The following CHD9 variants were observed in gnomAD, a reference collection of about 807,000 sequenced individuals.
The protein encoded by CHD9 is chromodomain helicase DNA binding protein 9.
CHD9 carries 77 observed loss-of-function variants against 316.1 expected under a neutral mutation model. That is an observed-to-expected ratio of 0.24 (90% confidence interval 0.20 to 0.29). The LOEUF (loss-of-function observed/expected upper bound fraction) is 0.29, where lower values mean the gene tolerates loss of function less well. Among genes scored for constraint, CHD9 ranks in the 10% least tolerant of loss-of-function variants. The probability of loss-of-function intolerance (pLI) is 1.00; values close to 1 mark genes in which losing one functional copy is unlikely to be tolerated. For missense variants in CHD9, 2,763 were observed against 3,438.1 expected (o/e 0.80, Z 4.91); for synonymous variants, 1,129 against 1,158.3 (o/e 0.97, Z 0.51).
intron 1 of CHD9, among the ~76,000 whole-genome samples, chr16:53,114,753 A>C (rs2038158400): frequency 6.6e-6 from 1 of 151,262 alleles, no homozygotes; most frequent in Non-Finnish European, 1.5e-5. Flanking sequence ...ACGTCTGGCT[A>C]ATTTTTTGTA....
intron 34 of CHD9, among the ~76,000 whole-genome samples, chr16:53,312,473 A>C (rs1307958780): frequency 6.6e-6 from 1 of 152,224 alleles, no homozygotes; most frequent in Non-Finnish European, 1.5e-5. Context: ...TAGGGTTGTC[A>C]GAAGGGGTAA....
chr16:53,260,010 A>G lies in CHD9; in HGVS notation c.4210-2977A>G, dbSNP rs150255706. Among the ~76,000 whole-genome samples the G allele has an allele frequency of 1.9e-3, 288 of 152,360 alleles. 1 individual carries two copies. Among genetic ancestry groups the G allele is most frequent in the Middle Eastern group, 6.8e-3 (2 of 294 alleles). Reference sequence around the variant, plus strand: ...AGATATTAAAGTATCATATATCCTCAGTTGTGAAAAATTTGTTCTGAAATA... The same window carrying G: ...AGATATTAAAGTATCATATATCCTCGGTTGTGAAAAATTTGTTCTGAAATA... On this transcript the variant is annotated intron_variant, in intron 19 of 38. Transcript: ENST00000447540.
At position 53,318,137 on chromosome 16, in the gene CHD9, C is replaced by T. The variant is rs966030077; in HGVS notation, c.7585-75C>T. On this transcript the variant is annotated intron_variant, in intron 36 of 38. Transcript: ENST00000447540. ...GTAAATGCTATTAAATTACTTGGAT[C>T]AGCTCATTTTAATATTTTGAATTGT... is the stretch of plus-strand genomic sequence containing the variant. 106 of 1,177,110 alleles carry T rather than the reference C, an allele frequency of 9.0e-5. No homozygotes were observed. In the African/African-American group the frequency reaches 1.5e-3, roughly 17 times the overall value. The allele number at this position is 1,177,110 out of a possible 1,614,324, so 72.9% of individuals were successfully genotyped here. A position where few individuals can be genotyped will look rare whatever the true frequency, so the allele number is the denominator to read the frequency against.
rs369431664 is a variant in CHD9, at chr16:53,268,106, G to C, written c.4697G>C (p.Arg1566Pro). 1.2e-6 allele frequency: 2 copies of C among 1,608,552 alleles called. No homozygotes were observed. The highest frequency in any genetic ancestry group is 8.5e-7 in the Non-Finnish European group (1 of 1,176,902). ...ACTCCAACTGAAGATGGACAGACACGAGAGCTACAGAATCATCTAGGTAAG... is the reference window on the plus strand; with the variant it reads ...ACTCCAACTGAAGATGGACAGACACCAGAGCTACAGAATCATCTAGGTAAG... ...LITPTEDGQT[R>P]ELQNHLGLSA... Residue 1566 changes from arginine to proline, a missense_variant, in exon 22 of 39, where the codon CGA becomes CCA. Arg to Pro is a moderately radical substitution (Grantham distance 103). This residue lies in a region of CHD9 where 99 missense variants were observed against 131.6 expected (regional missense o/e 0.75). Coordinates refer to ENST00000447540, the MANE Select transcript of CHD9 (RefSeq NM_001308319.2).
At chr16:53,216,851 C>T (rs1327869702) in intron 3 of CHD9, among the ~76,000 whole-genome samples, 1 of 145,422 alleles carries the variant, frequency 6.9e-6, no homozygotes, top group African/African-American at 2.5e-5. Flanking sequence ...ACCCACAAAA[C>T]TGGATGGGTT....
chr16:53,286,372 C>T (rs2053875113), intron 26 of CHD9, 29 bp downstream of exon 26: 1 of 1,140,370 alleles, frequency 8.8e-7, no homozygotes, highest in East Asian at 2.4e-5. Flanking sequence ...CATGAATTTT[C>T]TATATATCTC....
At chr16:53,075,555 C>T (rs766577044) in intron 1 of CHD9, among the ~76,000 whole-genome samples, 1 of 152,076 alleles carries the variant, frequency 6.6e-6, no homozygotes, top group South Asian at 2.1e-4. Context: ...GGCGGTTTCC[C>T]CCATACTGTT....
At chr16:53,187,687 C>T (rs1291084284) in intron 2 of CHD9, among the ~76,000 whole-genome samples, 1 of 151,938 alleles carries the variant, frequency 6.6e-6, no homozygotes, top group Non-Finnish European at 1.5e-5. Flanking sequence ...TGATGAGCAA[C>T]AGTGTCAAAA....
At position 53,247,296 on chromosome 16, in the gene CHD9, C is replaced by G. The variant is rs2049720587; in HGVS notation, c.3458C>G (p.Ala1153Gly). The G allele has an allele frequency of 1.3e-6, 2 of 1,590,014 alleles. No homozygotes were observed. Residue 1153 changes from alanine (A) to glycine (G), a missense_variant, in exon 16 of 39, where the codon GCT (alanine) becomes GGT (glycine). This residue lies in a region of CHD9 where 155 missense variants were observed against 291.8 expected (regional missense o/e 0.53). Coordinates refer to ENST00000447540, the MANE Select transcript of CHD9 (RefSeq NM_001308319.2). ...CCNHPYLIKGAEEKILGEFRD... is the reference protein window; with the variant it reads ...CCNHPYLIKGGEEKILGEFRD... ...TCTTCTCCTATTTCTTTGACAGGTG[C>G]TGAGGAGAAAATACTTGGAGAATTT...
chr16:53,081,268 T>C (rs1390521582), intron 1 of CHD9, among the ~76,000 whole-genome samples: 1 of 152,178 alleles, frequency 6.6e-6, no homozygotes, highest in Non-Finnish European at 1.5e-5. Context: ...AGTTTCTAGA[T>C]GGGAGGGACT....
intron 1 of CHD9, among the ~76,000 whole-genome samples, chr16:53,149,640 C>T (rs1176077321): frequency 4.0e-5 from 6 of 150,934 alleles, no homozygotes; most frequent in African/African-American, 7.3e-5. Context: ...CCTCCAACTC[C>T]TGGGCTCAGG....
chr16:53,177,758 T>G (rs1156256689), intron 2 of CHD9, among the ~76,000 whole-genome samples: 1 of 152,236 alleles, frequency 6.6e-6, no homozygotes, highest in Non-Finnish European at 1.5e-5. Flanking sequence ...ATCAAGCCAG[T>G]AAACTATGTT....
intron 29 of CHD9, among the ~76,000 whole-genome samples, chr16:53,295,288 C>G (rs1031070504): frequency 2.6e-5 from 4 of 151,962 alleles, no homozygotes; most frequent in Non-Finnish European, 5.9e-5. Flanking sequence ...CACCATGCCT[C>G]GCTAATTTTT....
chr16:53,261,359 CTTTTTTTTTTTTTT>C (rs1195811638), intron 19 of CHD9, among the ~76,000 whole-genome samples: 5 of 61,880 alleles, frequency 8.1e-5, no homozygotes, highest in Admixed American at 7.0e-4. Context: ...GTGTTTTAGA[CTTTTTTTTTTTTTT>C]TTTTTTTTTT....
At position 53,263,100 on chromosome 16, in the gene CHD9, A is replaced by T; in HGVS notation, c.4320+3A>T. On this transcript the variant is annotated splice_donor_region_variant and intron_variant, in intron 20 of 38. Coordinates refer to ENST00000447540, the MANE Select transcript of CHD9 (RefSeq NM_001308319.2). ...ATATAGAGGCCATCAGTGGCAGAGTAAGTATTTTTATCCCTCTAAAATAAA... is the reference window on the plus strand; with the variant it reads ...ATATAGAGGCCATCAGTGGCAGAGTTAGTATTTTTATCCCTCTAAAATAAA... 1 of 1,601,450 alleles carries T rather than the reference A, an allele frequency of 6.2e-7. No individual in the cohort carries two copies. Among genetic ancestry groups the T allele is most frequent in the Non-Finnish European group, 8.5e-7 (1 of 1,170,576 alleles).
chr16:53,185,621 G>T (rs923391683), intron 2 of CHD9, among the ~76,000 whole-genome samples: 1 of 152,200 alleles, frequency 6.6e-6, no homozygotes, highest in Non-Finnish European at 1.5e-5. Context: ...TGTCTCCAAG[G>T]CATGTCAGAG....
At chr16:53,098,940 A>G (rs564200003) in intron 1 of CHD9, among the ~76,000 whole-genome samples, 2 of 152,262 alleles carry the variant, frequency 1.3e-5, no homozygotes, top group Admixed American at 1.3e-4. Context: ...GCTTTCCTCT[A>G]TAGTGTACGG....
intron 2 of CHD9, among the ~76,000 whole-genome samples, chr16:53,205,271 A>G (rs1374207639): frequency 6.6e-6 from 1 of 152,212 alleles, no homozygotes; most frequent in Non-Finnish European, 1.5e-5. Flanking sequence ...AAATTATTTT[A>G]CTCCATTTGA....
intron 3 of CHD9, among the ~76,000 whole-genome samples, chr16:53,219,565 ACT>A (rs1253985442): frequency 6.6e-6 from 1 of 151,862 alleles, no homozygotes; most frequent in Non-Finnish European, 1.5e-5. Context: ...GAACCAGAAG[ACT>A]CTTGTGTCAG....
Sources: gnomAD v4.1 joint callset for allele counts (sites outside exome capture counted in the v4.1 genomes callset) on GRCh38, gnomAD v4.1.1 for gene constraint, gnomAD v4.1.1 regional missense constraint, MANE v1.5 for transcripts, NCBI Gene and HGNC (gene_info 2026-07-23, HGNC 2026-07-21) for gene names.